Variants in PLEKHA5 observed in about 807,000 individuals in gnomAD.
PLEKHA5 encodes pleckstrin homology domain-containing family A member 5.
Under a neutral mutation model 181.9 loss-of-function variants are expected in PLEKHA5, and 55 were observed. The ratio of observed to expected loss-of-function variants is 0.30; its 90% CI spans 0.24 to 0.38. The LOEUF is 0.38. Ranked by LOEUF, PLEKHA5 falls within the 10% of genes least tolerant of loss-of-function variation. The probability of loss-of-function intolerance (pLI) is 1.00; values close to 1 mark genes in which losing one functional copy is unlikely to be tolerated. For missense variants in PLEKHA5, 1,432 were observed against 1,549.5 expected (o/e 0.92, Z 1.27); for synonymous variants, 535 against 529.4 (o/e 1.01, Z -0.15).
At chr12:19,186,479 A>T (rs2049887033) in intron 3 of PLEKHA5, among the ~76,000 whole-genome samples, 2 of 152,214 alleles carry the variant, frequency 1.3e-5, no homozygotes, top group Non-Finnish European at 2.9e-5. Flanking sequence ...AGAAAGTTGG[A>T]TGGTAATAAC....
chr12:19,182,273 G>C (rs1016732320), intron 3 of PLEKHA5, among the ~76,000 whole-genome samples: 3 of 152,080 alleles, frequency 2.0e-5, no homozygotes, highest in Admixed American at 2.0e-4. Context: ...TTGTTTTTTC[G>C]CATCCAAGCG....
chr12:19,339,009 ATAT>A (rs1246841942), intron 21 of PLEKHA5, among the ~76,000 whole-genome samples: 1 of 151,942 alleles, frequency 6.6e-6, no homozygotes, highest in Non-Finnish European at 1.5e-5. Flanking sequence ...GATCTGTCAC[ATAT>A]TATTTAATGT....
chr12:19,306,663 C>T (rs757020179), intron 15 of PLEKHA5: 10 of 1,449,452 alleles, frequency 6.9e-6, no homozygotes, highest in Non-Finnish European at 9.6e-6. Flanking sequence ...GACTGATCTC[C>T]CCGGGCGCTA....
chr12:19,361,451 G>A (rs1380654233), intron 28 of PLEKHA5, 131 bp from the exon 29 acceptor site: 4 of 575,698 alleles, frequency 6.9e-6, no homozygotes, highest in African/African-American at 1.9e-5. Flanking sequence ...CCAAAGTGCT[G>A]GGATTACAGG....
At chr12:19,327,418 C>G (rs2073883614) in intron 20 of PLEKHA5, among the ~76,000 whole-genome samples, 1 of 151,668 alleles carries the variant, frequency 6.6e-6, no homozygotes, top group African/African-American at 2.4e-5. Flanking sequence ...ATGTCTTTTG[C>G]CCATTTTTTA....
At chr12:19,334,849 T>C (rs867331763) in intron 20 of PLEKHA5, among the ~76,000 whole-genome samples, 1 of 53,268 alleles carries the variant, frequency 1.9e-5, no homozygotes, top group Admixed American at 2.2e-4. Flanking sequence ...TATATATATA[T>C]ATATATATAT....
chr12:19,269,175 G>A (rs1055541760), intron 8 of PLEKHA5, among the ~76,000 whole-genome samples: 1 of 151,992 alleles, frequency 6.6e-6, no homozygotes, highest in East Asian at 1.9e-4. Context: ...ATCACTTGAG[G>A]TCAGAAGTTC....
At chr12:19,369,626 C>A in intron 30 of PLEKHA5, 67 bp from the exon 31 acceptor site, 1 of 879,496 alleles carries the variant, frequency 1.1e-6, no homozygotes, top group Non-Finnish European at 1.8e-6. Context: ...ATTACAGCAT[C>A]AGGATTTACT....
At chr12:19,229,257 A>T (rs1211140420) in intron 3 of PLEKHA5, among the ~76,000 whole-genome samples, 1 of 152,188 alleles carries the variant, frequency 6.6e-6, no homozygotes, top group Admixed American at 6.5e-5. Context: ...TGTGTCTGTT[A>T]TGCAATATTG....
Position 19,336,566 on chromosome 12 carries a change from G to A in PLEKHA5, c.2500G>A (p.Val834Ile), listed in dbSNP as rs1258841621. 1 of 1,610,508 alleles carries A rather than the reference G, an allele frequency of 6.2e-7. No individual in the cohort carries two copies. Among genetic ancestry groups the A allele is most frequent in the Non-Finnish European group, 8.5e-7 (1 of 1,177,482 alleles). The change falls in exon 21 of 32, where the codon GTT becomes ATT. Residue 834 changes from valine (V) to isoleucine (I), a missense_variant. By Grantham distance (29) the Val-to-Ile change is conservative (BLOSUM62 3). Coordinates refer to ENST00000429027, the MANE Select transcript of PLEKHA5 (RefSeq NM_001256470.2). The part of the protein sequence containing the change: ...EYDKLEYDVT[V>I]TRNQMQEQLD... The stretch of plus-strand genomic sequence containing the variant: ...TGATAAGTTAGAATACGATGTAACT[G>A]TTACCAGGAACCAGATGCAAGAGCA...
intron 5 of PLEKHA5, among the ~76,000 whole-genome samples, chr12:19,256,629 T>TAC (rs2066951292): frequency 6.6e-6 from 1 of 152,184 alleles, no homozygotes; most frequent in Non-Finnish European, 1.5e-5. Flanking sequence ...GGCCTTAAAA[T>TAC]TTTCTTATAT....
intron 20 of PLEKHA5, among the ~76,000 whole-genome samples, chr12:19,323,133 G>A (rs557279506): frequency 6.0e-5 from 9 of 150,246 alleles, no homozygotes; most frequent in African/African-American, 1.5e-4. Context: ...AAAGTGCTGC[G>A]ATTACAGGTG....
At chr12:19,368,277 G>A (rs1052918099) in intron 30 of PLEKHA5, among the ~76,000 whole-genome samples, 4 of 152,018 alleles carry the variant, frequency 2.6e-5, no homozygotes, top group African/African-American at 9.7e-5. Flanking sequence ...TATTGCTTGA[G>A]CTCAGGAGTT....
chr12:19,302,156 A>G (rs903524003), intron 15 of PLEKHA5, among the ~76,000 whole-genome samples: 25 of 152,196 alleles, frequency 1.6e-4, no homozygotes, highest in African/African-American at 6.0e-4. Flanking sequence ...TCCCAACTGA[A>G]AAAATCTTTT....
Position 19,283,739 on chromosome 12 carries a change from C to G in PLEKHA5, c.1773C>G (p.His591Gln), listed in dbSNP as rs910156064. The change falls in exon 12 of 32, where the codon CAC becomes CAG. Residue 591 changes from histidine (H) to glutamine (Q), a missense_variant. Coordinates refer to ENST00000429027, the MANE Select transcript of PLEKHA5 (RefSeq NM_001256470.2). The part of the protein sequence containing the change: ...VTIDRRHRAH[H>Q]PKHVYVPDRR... ...TAGACCGCAGACACAGGGCCCATCACCCTAAGGTAAAATAGCTGCTGATTT... is the reference window on the plus strand; with the variant it reads ...TAGACCGCAGACACAGGGCCCATCAGCCTAAGGTAAAATAGCTGCTGATTT... 3.7e-6 allele frequency: 6 copies of G among 1,605,342 alleles called. No individual in the cohort carries two copies. In the African/African-American group the frequency reaches 8.0e-5, roughly 21 times the overall value.
chr12:19,314,571 A>G lies in PLEKHA5; in HGVS notation c.2038-243A>G, dbSNP rs144377894. ...AATTGACTATATCATGATTATATGT[A>G]TGAAGTAAAACTAGTTGTGACAGTG... On this transcript the variant is annotated intron_variant, in intron 15 of 31. Transcript: ENST00000429027. Among the ~76,000 whole-genome samples the G allele has an allele frequency of 2.0e-5, 3 of 152,310 alleles. No individual in the cohort carries two copies. In the East Asian group the frequency reaches 5.8e-4, roughly 29 times the overall value.
At chr12:19,222,443 A>G (rs1322472203) in intron 3 of PLEKHA5, among the ~76,000 whole-genome samples, 1 of 152,112 alleles carries the variant, frequency 6.6e-6, no homozygotes, top group Non-Finnish European at 1.5e-5. Context: ...TACAGAGTGC[A>G]CTCACACATG....
At chr12:19,179,045 C>A (rs2047945983) in intron 3 of PLEKHA5, among the ~76,000 whole-genome samples, 2 of 152,312 alleles carry the variant, frequency 1.3e-5, no homozygotes, top group East Asian at 1.9e-4. Context: ...CACATTACCT[C>A]TTTCAGAAAT....
intron 3 of PLEKHA5, among the ~76,000 whole-genome samples, chr12:19,240,381 A>G (rs2062274759): frequency 6.6e-6 from 1 of 151,460 alleles, no homozygotes; most frequent in Non-Finnish European, 1.5e-5. Context: ...CAAAGGTATA[A>G]TAAACTTCTA....
Sources: gnomAD v4.1 joint callset for allele counts (sites outside exome capture counted in the v4.1 genomes callset) on GRCh38, gnomAD v4.1.1 for gene constraint, MANE v1.5 for transcripts, NCBI Gene and HGNC (gene_info 2026-07-23, HGNC 2026-07-21) for gene names.